Variants in SLC25A26 observed in about 807,000 individuals in gnomAD.
SLC25A26 encodes mitochondrial S-adenosylmethionine carrier protein.
A neutral mutation model predicts 37.8 loss-of-function variants in SLC25A26; 36 were observed. The observed-to-expected ratio is 0.95, with a 90% CI of 0.73 to 1.26. SLC25A26 has a LOEUF of 1.26. Ranked by LOEUF, SLC25A26 falls within the 50% of genes most tolerant of loss-of-function variation. The pLI is 0.00. For synonymous variants in SLC25A26, 129 were observed against 122.5 expected (o/e 1.05, Z -0.35); for missense variants, 390 against 331.1 (o/e 1.18, Z -1.38).
intron 5 of SLC25A26, among the ~76,000 whole-genome samples, chr3:66,293,728 T>C (rs1198156550): frequency 6.6e-5 from 10 of 152,234 alleles, no homozygotes; most frequent in Non-Finnish European, 2.9e-5. Flanking sequence ...TGTCGTTTTT[T>C]CTTACGGCTG....
chr3:66,200,913 T>C (rs1488648314), intron 1 of SLC25A26, among the ~76,000 whole-genome samples: 1 of 152,104 alleles, frequency 6.6e-6, no homozygotes, highest in Non-Finnish European at 1.5e-5. Flanking sequence ...ATCCCTAAGA[T>C]TACAGAGTAC....
intron 1 of SLC25A26, among the ~76,000 whole-genome samples, chr3:66,145,611 A>G (rs1475811502): frequency 6.6e-6 from 1 of 152,332 alleles, no homozygotes; most frequent in Middle Eastern, 3.4e-3. Context: ...ACTAATCAGT[A>G]TTGGCAACTT....
rs550253891 is a variant in SLC25A26 at position 66,277,852 on chromosome 3, A to G, written c.453+14473A>G. On this transcript the variant is annotated intron_variant, in intron 5 of 9. Transcript: ENST00000354883. ...CACTTCTTTGGTCTTCTTGCCAAAGATGCATAATCTCAGTGTGATCATGAG... is the reference window on the plus strand; with the variant it reads ...CACTTCTTTGGTCTTCTTGCCAAAGGTGCATAATCTCAGTGTGATCATGAG... 2.2e-4 allele frequency among the ~76,000 whole-genome samples: 33 copies of G among 152,242 alleles called. No homozygotes were observed. The South Asian group carries it at 6.8e-3, about 32-fold the overall frequency.
intron 5 of SLC25A26, among the ~76,000 whole-genome samples, chr3:66,324,822 T>G (rs113522112): frequency 0.011 from 1,604 of 152,062 alleles, 27 homozygotes; most frequent in African/African-American, 0.036. Context: ...TTTTTTTGCC[T>G]TATATTCTCT....
intron 1 of SLC25A26, among the ~76,000 whole-genome samples, chr3:66,230,601 C>G (rs1265410238): frequency 1.3e-5 from 2 of 150,932 alleles, no homozygotes; most frequent in Non-Finnish European, 3.0e-5. Flanking sequence ...GTTTGGAGTT[C>G]AAGACCAGCC....
chr3:66,310,140 C>T (rs1267446240), intron 5 of SLC25A26, among the ~76,000 whole-genome samples: 1 of 152,152 alleles, frequency 6.6e-6, no homozygotes, highest in Non-Finnish European at 1.5e-5. Flanking sequence ...GTCTAAGTTT[C>T]TTTGTAGGTC....
At chr3:66,355,894 A>G (rs563173384) in intron 6 of SLC25A26, 2 of 402,260 alleles carry the variant, frequency 5.0e-6, no homozygotes, top group African/African-American at 2.1e-5. Context: ...GTTTGAAAAA[A>G]CTAAGCATTA....
chr3:66,346,754 G>GTGTGTT (rs1379330335), intron 6 of SLC25A26, among the ~76,000 whole-genome samples: 1 of 145,082 alleles, frequency 6.9e-6, no homozygotes, highest in Non-Finnish European at 1.5e-5. Flanking sequence ...GTGTGTGTGT[G>GTGTGTT]TGTGTGTTTA....
chr3:66,248,170 A>G (rs2072933021), intron 3 of SLC25A26, among the ~76,000 whole-genome samples: 1 of 152,274 alleles, frequency 6.6e-6, no homozygotes, highest in Non-Finnish European at 1.5e-5. Context: ...AATAATAACC[A>G]TTCCCTGTAG....
intron 5 of SLC25A26, among the ~76,000 whole-genome samples, chr3:66,302,546 A>C (rs1395532740): frequency 6.6e-6 from 1 of 152,214 alleles, no homozygotes; most frequent in Non-Finnish European, 1.5e-5. Flanking sequence ...TGCTGCCAGC[A>C]GTTTAGAGTA....
chr3:66,338,014 C>A (rs530749273), intron 5 of SLC25A26, among the ~76,000 whole-genome samples: 1 of 152,012 alleles, frequency 6.6e-6, no homozygotes, highest in East Asian at 1.9e-4. Context: ...TTTCCCTATT[C>A]CCAGAAAGTT....
chr3:66,226,481 CT>C (rs375300790), intron 1 of SLC25A26, among the ~76,000 whole-genome samples: 12 of 148,912 alleles, frequency 8.1e-5, no homozygotes, highest in East Asian at 2.0e-4. Context: ...GCGTTCTTTT[CT>C]TTTTTTTTTG....
At chr3:66,142,389 A>T (rs576856559) in intron 1 of SLC25A26, among the ~76,000 whole-genome samples, 1 of 152,370 alleles carries the variant, frequency 6.6e-6, no homozygotes, top group East Asian at 1.9e-4. Flanking sequence ...ACACTGCAGA[A>T]GCAGGAAGTT....
intron 5 of SLC25A26, among the ~76,000 whole-genome samples, chr3:66,266,824 T>C (rs971905841): frequency 7.9e-5 from 12 of 152,152 alleles, no homozygotes; most frequent in African/African-American, 2.9e-4. Context: ...AAATCATAGA[T>C]GCTTTCATAT....
intron 1 of SLC25A26, among the ~76,000 whole-genome samples, chr3:66,170,788 A>ATTTTTTT (rs1559559094): frequency 1.8e-5 from 1 of 56,424 alleles, no homozygotes; most frequent in African/African-American, 6.8e-5. Context: ...AGATGTGATT[A>ATTTTTTT]TTGTTTTTTT....
At chr3:66,305,073 A>T (rs1247779683) in intron 5 of SLC25A26, among the ~76,000 whole-genome samples, 1 of 152,200 alleles carries the variant, frequency 6.6e-6, no homozygotes, top group Admixed American at 6.5e-5. Flanking sequence ...TAGAGCTGCG[A>T]AAAGCCAAAA....
At chr3:66,292,550 C>A (rs888227379) in intron 5 of SLC25A26, among the ~76,000 whole-genome samples, 1 of 152,070 alleles carries the variant, frequency 6.6e-6, no homozygotes, top group African/African-American at 2.4e-5. Context: ...TTCTCCTTTG[C>A]TTATGAAGCT....
intron 1 of SLC25A26, among the ~76,000 whole-genome samples, chr3:66,235,192 T>G (rs1303639022): frequency 6.6e-6 from 1 of 152,206 alleles, no homozygotes; most frequent in East Asian, 1.9e-4. Flanking sequence ...AGGATTCATA[T>G]GTATTAGCCT....
At chr3:66,347,801 G>C (rs1021850095) in intron 6 of SLC25A26, among the ~76,000 whole-genome samples, 1 of 152,118 alleles carries the variant, frequency 6.6e-6, no homozygotes, top group African/African-American at 2.4e-5. Context: ...GCCATAAAAA[G>C]GAAATGAGAT....
Sources: allele counts gnomAD v4.1 joint callset (sites outside exome capture counted in the v4.1 genomes callset), GRCh38; gene constraint gnomAD v4.1.1; transcripts MANE v1.5; gene names NCBI Gene and HGNC (gene_info 2026-07-23, HGNC 2026-07-21).